The following HSPG2 variants were observed in gnomAD, a reference collection of about 807,000 sequenced individuals.
The protein encoded by HSPG2 is heparan sulfate proteoglycan 2, also known as basement membrane-specific heparan sulfate proteoglycan core protein.
HSPG2 carries 278 observed loss-of-function variants against 526.6 expected under a neutral mutation model. That is an observed-to-expected ratio of 0.53 (90% CI 0.48 to 0.58). The LOEUF is 0.58. Among genes scored for constraint, HSPG2 ranks in the 20% least tolerant of loss-of-function variants. The probability of loss-of-function intolerance (pLI) is 0.00; values close to 1 mark genes in which losing one functional copy is unlikely to be tolerated. For synonymous variants in HSPG2, 2,465 were observed against 2,555.4 expected (o/e 0.96, Z 1.07); for missense variants, 5,354 against 6,099.5 (o/e 0.88, Z 4.07).
chr1:21,834,639 C>G, intron 77 of HSPG2, 40 bp downstream of exon 77: 3 of 1,611,590 alleles, frequency 1.9e-6, no homozygotes, highest in Non-Finnish European at 2.5e-6. Flanking sequence ...GCCCCTGCCC[C>G]ACTCACTGTC....
In HSPG2 at chr1:21,855,932, A is replaced by C. The variant is rs2152725576; in HGVS notation, c.5576-20T>G. The C allele has an allele frequency of 6.2e-7, 1 of 1,605,016 alleles. No individual in the cohort carries two copies. Among genetic ancestry groups the C allele is most frequent in the South Asian group, 1.1e-5 (1 of 91,030 alleles). Reference sequence around the variant, plus strand: ...CCGAGGCTGACAAGGGAGGAAAAGGAACATGCACTCAGGGTGGGGAGTGTC... The same window carrying C: ...CCGAGGCTGACAAGGGAGGAAAAGGCACATGCACTCAGGGTGGGGAGTGTC... On this transcript the variant is annotated intron_variant, in intron 44 of 96. Transcript: ENST00000374695.
chr1:21,915,581 A>C (rs897304980), intron 1 of HSPG2, among the ~76,000 whole-genome samples: 5 of 152,324 alleles, frequency 3.3e-5, no homozygotes, highest in African/African-American at 1.2e-4. Context: ...AACGGTTCCA[A>C]TATGGGACAG....
At chr1:21,930,204 C>A in intron 1 of HSPG2, among the ~76,000 whole-genome samples, 1 of 152,176 alleles carries the variant, frequency 6.6e-6, no homozygotes, top group East Asian at 1.9e-4. Flanking sequence ...TGCCCTCTGC[C>A]TGGAATGCCC....
At position 21,881,399 on chromosome 1, in the gene HSPG2, G is replaced by A. The variant is rs552812715; in HGVS notation, c.1758C>T (p.Ser586=). ...AGGAGTCGTGGACGAGGAAGCGGCG[G>A]GACAGGTCGACTAGCTGGAACTCGT... is the stretch of plus-strand genomic sequence containing the variant. ...SLHEFQLVDL[S]RRFLVHDSFW... The change falls in exon 14 of 97, where the codon TCC becomes TCT. Residue 586 remains serine, a synonymous_variant. Transcript: ENST00000374695. The A allele has an allele frequency of 3.7e-6, 6 of 1,614,068 alleles. No individual in the cohort carries two copies. The highest frequency in any genetic ancestry group is 5.1e-6 in the Non-Finnish European group (6 of 1,180,050).
intron 91 of HSPG2, among the ~76,000 whole-genome samples, chr1:21,826,060 G>A (rs974903959): frequency 9.9e-5 from 15 of 152,044 alleles, no homozygotes; most frequent in Middle Eastern, 3.4e-3. Flanking sequence ...TGGGATGACA[G>A]GTGTGAGCCA....
intron 1 of HSPG2, among the ~76,000 whole-genome samples, chr1:21,913,212 G>A (rs960759309): frequency 2.6e-5 from 4 of 152,228 alleles, no homozygotes; most frequent in Middle Eastern, 6.8e-3. Flanking sequence ...TGAGGCCTCT[G>A]GGAGGGTGGC....
intron 29 of HSPG2, 45 bp downstream of exon 29, chr1:21,873,880 C>T (rs1251327622): frequency 2.0e-6 from 3 of 1,492,330 alleles, no homozygotes; most frequent in Admixed American, 2.0e-5. Context: ...ATTCCAGGGA[C>T]ACCCCCTGTG....
At chr1:21,837,129 C>G in intron 74 of HSPG2, 123 bp from the exon 75 acceptor site, 2 of 918,604 alleles carry the variant, frequency 2.2e-6, no homozygotes, top group South Asian at 1.4e-5. Flanking sequence ...GCCTCTCTGA[C>G]CAGGGAAAAA....
At position 21,865,276 on chromosome 1, in the gene HSPG2, G is replaced by T; in HGVS notation, c.4395+9C>A. 1 of 1,613,644 alleles carries T rather than the reference G, an allele frequency of 6.2e-7. No homozygotes were observed. Among genetic ancestry groups the T allele is most frequent in the Non-Finnish European group, 8.5e-7 (1 of 1,179,572 alleles). ...GGGGTTAGACACAGCATGGCCAGGTGCCCCTTACCTCTCGGAACATGATCT... is the reference window on the plus strand; with the variant it reads ...GGGGTTAGACACAGCATGGCCAGGTTCCCCTTACCTCTCGGAACATGATCT... On this transcript the variant is annotated intron_variant, in intron 35 of 96. Transcript: ENST00000374695. The surrounding 1 kb of genome is among the most constrained non-coding windows in gnomAD (Gnocchi z 5.4).
intron 13 of HSPG2, among the ~76,000 whole-genome samples, chr1:21,882,414 C>T (rs1275151504): frequency 1.3e-5 from 2 of 151,084 alleles, no homozygotes. Context: ...CACACACACA[C>T]ACACACACAC....
chr1:21,859,550 G>T lies in HSPG2; in HGVS notation c.5293+16C>A. On this transcript the variant is annotated intron_variant, in intron 42 of 96. Coordinates refer to ENST00000374695, the MANE Select transcript of HSPG2 (RefSeq NM_005529.7). The surrounding 1 kb of genome is among the most constrained non-coding windows in gnomAD (Gnocchi z 5.3). ...CAGGACAGGCAGTCTTGGTTACAGGGGGCGTAGGGACTCACCAGTGACCAG... is the reference window on the plus strand; with the variant it reads ...CAGGACAGGCAGTCTTGGTTACAGGTGGCGTAGGGACTCACCAGTGACCAG... The T allele has an allele frequency of 6.4e-7, 1 of 1,554,946 alleles. No homozygotes were observed. Among genetic ancestry groups the T allele is most frequent in the East Asian group, 2.3e-5 (1 of 42,758 alleles).
Position 21,848,172 on chromosome 1 carries a change from C to T in HSPG2, c.7738-79G>A. 3 of 1,506,182 alleles carry T rather than the reference C, an allele frequency of 2.0e-6. No homozygotes were observed. The South Asian group carries it at 3.6e-5, about 18-fold the overall frequency. 93.3% of individuals were successfully genotyped at this position (1,506,182 alleles called of 1,614,324 possible). ...CATCTTGGGCACTGCTGCCGCTGCCCCTGGACTCTGGGGGCCTCCCTGCCT... is the reference window on the plus strand; with the variant it reads ...CATCTTGGGCACTGCTGCCGCTGCCTCTGGACTCTGGGGGCCTCCCTGCCT... On this transcript the variant is annotated intron_variant, in intron 59 of 96. Coordinates refer to ENST00000374695, the MANE Select transcript of HSPG2 (RefSeq NM_005529.7). This position sits in a 1 kb window ranked among gnomAD's most constrained non-coding sequence, Gnocchi z 4.9.
At chr1:21,842,169 G>A (rs753583246) in intron 68 of HSPG2, 27 bp from the exon 69 acceptor site, 1 of 1,613,330 alleles carries the variant, frequency 6.2e-7, no homozygotes, top group Non-Finnish European at 8.5e-7. Context: ...AGAGGGCTGG[G>A]CTCAGCAGGG....
In HSPG2 at chr1:21,884,863, C is replaced by T. The variant is rs201765006; in HGVS notation, c.1411G>A (p.Glu471Lys). 1 of 1,613,854 alleles carries T rather than the reference C, an allele frequency of 6.2e-7. No individual in the cohort carries two copies. Among genetic ancestry groups the T allele is most frequent in the African/African-American group, 1.3e-5 (1 of 74,920 alleles). Reference sequence around the variant, plus strand: ...CAGGTGTAGGCACCCTGGTCTGACTCCTTCACATCACGGATGATCAGTGTG... The same window carrying T: ...CAGGTGTAGGCACCCTGGTCTGACTTCTTCACATCACGGATGATCAGTGTG... ...RGTLIIRDVK[E>K]SDQGAYTCEA... The change falls in exon 12 of 97, where the codon GAG becomes AAG. Residue 471 changes from glutamate to lysine, a missense_variant. Coordinates refer to ENST00000374695, the MANE Select transcript of HSPG2 (RefSeq NM_005529.7).
At chr1:21,869,575 AG>A in intron 33 of HSPG2, 1 of 985,624 alleles carries the variant, frequency 1.0e-6, no homozygotes, top group Non-Finnish European at 1.2e-6. Context: ...ATGAGGAGAG[AG>A]CCCCTGGGGA....
At position 21,839,018 on chromosome 1, in the gene HSPG2, C is replaced by T; in HGVS notation, c.9957G>A (p.Gln3319=). 6.2e-7 allele frequency: 1 copy of T among 1,607,754 alleles called. No individual in the cohort carries two copies. Among genetic ancestry groups the T allele is most frequent in the South Asian group, 1.1e-5 (1 of 90,848 alleles). The change falls in exon 74 of 97, where the codon CAG becomes CAA. Residue 3319 remains glutamine (Q), a synonymous_variant. Coordinates refer to ENST00000374695, the MANE Select transcript of HSPG2 (RefSeq NM_005529.7). The surrounding 1 kb of genome is among the most constrained non-coding windows in gnomAD (Gnocchi z 4.5). The stretch of plus-strand genomic sequence containing the variant: ...GTGGGGGTGTCCCGTGAGCCAGGCA[C>T]TGGAGCTGCACCGTCTCCCCTGCCT... ...SVQAGETVQL[Q]CLAHGTPPLT... is the part of the protein sequence containing the mutation.
At chr1:21,899,883 G>A (rs908985944) in intron 1 of HSPG2, among the ~76,000 whole-genome samples, 1 of 152,232 alleles carries the variant, frequency 6.6e-6, no homozygotes, top group African/African-American at 2.4e-5. Flanking sequence ...GGCTGGCCAT[G>A]AGGCCTAAGC....
At position 21,857,064 on chromosome 1, in the gene HSPG2, G is replaced by A. The variant is rs1440655272; in HGVS notation, c.5526C>T (p.Gly1842=). Residue 1842 remains glycine, a synonymous_variant, in exon 44 of 97, where the codon GGC becomes GGT. Transcript: ENST00000374695. ...LSDAGTYVCT[G]SNMFAMDQGT... ...CCTGGTCCATGGCAAACATGTTGGA[G>A]CCGGTGCACACGTAGGTGCCTGCAT... 6.2e-7 allele frequency: 1 copy of A among 1,614,076 alleles called. No homozygotes were observed. Among genetic ancestry groups the A allele is most frequent in the Non-Finnish European group, 8.5e-7 (1 of 1,180,044 alleles).
chr1:21,906,724 T>C (rs1355677971), intron 1 of HSPG2, among the ~76,000 whole-genome samples: 1 of 13,146 alleles, frequency 7.6e-5, no homozygotes, highest in Non-Finnish European at 1.7e-4. Flanking sequence ...ATGATGGGAC[T>C]GGGGGGTGGG....
Sources: allele counts gnomAD v4.1 joint callset (sites outside exome capture counted in the v4.1 genomes callset), GRCh38; gene constraint gnomAD v4.1.1; non-coding constraint Gnocchi (gnomAD v3.1); transcripts MANE v1.5; gene names NCBI Gene and HGNC (gene_info 2026-07-23, HGNC 2026-07-21).